Variants in HYAL4 observed in about 807,000 individuals in gnomAD.
HYAL4 encodes the protein hyaluronidase-4.
In HYAL4, 37 loss-of-function variants were observed where a neutral mutation model predicts 35.2. That is an observed-to-expected ratio of 1.05 (90% CI 0.81 to 1.38). The LOEUF (loss-of-function observed/expected upper bound fraction) is 1.38, where lower values mean the gene tolerates loss of function less well. HYAL4 is among the 40% of genes most tolerant of loss of function. HYAL4 has a pLI of 0.00. For synonymous variants in HYAL4, 198 were observed against 203.2 expected, an observed-to-expected ratio of 0.97 and a Z score of 0.22; for missense variants, 572 against 572.4, an observed-to-expected ratio of 1.00 and a Z score of 0.01.
chr7:123,865,478 A>G (rs1806666122), intron 2 of HYAL4, among the ~76,000 whole-genome samples: 1 of 152,200 alleles, frequency 6.6e-6, no homozygotes, highest in African/African-American at 2.4e-5. Context: ...GAGCTACAGT[A>G]TGATATATTT....
intron 1 of HYAL4, among the ~76,000 whole-genome samples, chr7:123,845,915 T>C (rs982411312): frequency 3.3e-5 from 5 of 152,170 alleles, no homozygotes; most frequent in African/African-American, 1.2e-4. Context: ...GTGATTGTTA[T>C]CTCTCTTCTG....
chr7:123,840,863 C>T (rs1395349155), upstream of HYAL4, among the ~76,000 whole-genome samples: 1 of 151,984 alleles, frequency 6.6e-6, no homozygotes, highest in African/African-American at 2.4e-5. Flanking sequence ...GCTGAAGTTG[C>T]TTATCAGCTT....
chr7:123,860,373 T>C (rs1182725527), intron 2 of HYAL4, among the ~76,000 whole-genome samples: 1 of 152,204 alleles, frequency 6.6e-6, no homozygotes, highest in African/African-American at 2.4e-5. Flanking sequence ...TGTGTACATA[T>C]GTAATTTGTG....
At chr7:123,864,369 C>G (rs1362240740) in intron 2 of HYAL4, among the ~76,000 whole-genome samples, 1 of 152,124 alleles carries the variant, frequency 6.6e-6, no homozygotes, top group East Asian at 1.9e-4. Flanking sequence ...GAAACCTGGG[C>G]ATTAAAATTT....
chr7:123,786,606 A>C, the HYAL4 span, among the ~76,000 whole-genome samples: 1 of 152,182 alleles, frequency 6.6e-6, no homozygotes, highest in Non-Finnish European at 1.5e-5. Flanking sequence ...ACATTAAAGT[A>C]ATCAAACAAG....
rs765368892 is a variant in HYAL4, at chr7:123,869,076, T to C, written c.803T>C (p.Leu268Pro). The C allele has an allele frequency of 3.1e-6, 5 of 1,614,114 alleles. No homozygotes were observed. The highest frequency in any genetic ancestry group is 2.2e-5 in the East Asian group (1 of 44,898). ...LYPSIGVWKSLGDSENILRFS... is the reference protein window; with the variant it reads ...LYPSIGVWKSPGDSENILRFS... ...CCTTCTATCGGTGTCTGGAAATCCC[T>C]TGGAGACAGTGAAAACATTTTGCGC... Residue 268 changes from leucine (L) to proline (P), a missense_variant, in exon 3 of 5, where the codon CTT (leucine) becomes CCT (proline). Coordinates refer to ENST00000223026, the MANE Select transcript of HYAL4 (RefSeq NM_012269.3).
chr7:123,817,195 T>A, the HYAL4 span, among the ~76,000 whole-genome samples: 1 of 152,172 alleles, frequency 6.6e-6, no homozygotes, highest in Non-Finnish European at 1.5e-5. Flanking sequence ...CCCTATTTCC[T>A]ACTTCTTTGC....
At chr7:123,867,597 A>G (rs992258188) in intron 2 of HYAL4, among the ~76,000 whole-genome samples, 2 of 152,098 alleles carry the variant, frequency 1.3e-5, no homozygotes, top group Admixed American at 1.3e-4. Flanking sequence ...ATTCTTTGGG[A>G]TAGTTGGGCT....
chr7:123,868,316 C>A lies in HYAL4; in HGVS notation c.43C>A (p.Gln15Lys). 6.3e-7 allele frequency: 1 copy of A among 1,580,040 alleles called. No individual in the cohort carries two copies. The highest frequency in any genetic ancestry group is 8.5e-7 in the Non-Finnish European group (1 of 1,170,194). ...SEGQLKLCVV[Q>K]PVHLTSWLLI... ...AGGACAGTTAAAGCTTTGTGTTGTTCAACCAGTACATCTCACTTCATGGCT... is the reference window on the plus strand; with the variant it reads ...AGGACAGTTAAAGCTTTGTGTTGTTAAACCAGTACATCTCACTTCATGGCT... Residue 15 changes from glutamine (Q) to lysine (K), a missense_variant, in exon 3 of 5, where the codon CAA (glutamine) becomes AAA (lysine). Coordinates refer to ENST00000223026, the MANE Select transcript of HYAL4 (RefSeq NM_012269.3).
chr7:123,807,456 A>G, the HYAL4 span, among the ~76,000 whole-genome samples: 1 of 99,912 alleles, frequency 1.0e-5, no homozygotes, highest in African/African-American at 3.8e-5. Context: ...TTTTTTTGAG[A>G]CAGAGTCTCG....
the HYAL4 span, among the ~76,000 whole-genome samples, chr7:123,808,851 T>C: frequency 6.6e-6 from 1 of 152,138 alleles, no homozygotes; most frequent in Non-Finnish European, 1.5e-5. Flanking sequence ...TTTCCTCACA[T>C]GGTGGAAGGG....
rs762628428 is a variant in HYAL4, at chr7:123,876,812, A to G, written c.1103A>G (p.Asn368Ser). 2.2e-5 allele frequency: 36 copies of G among 1,614,066 alleles called. No individual in the cohort carries two copies. The highest frequency in any genetic ancestry group is 8.0e-5 in the African/African-American group (6 of 74,930). The change falls in exon 5 of 5, where the codon AAT (asparagine) becomes AGT (serine). Residue 368 changes from asparagine to serine, a missense_variant. Asn to Ser is a conservative substitution (Grantham distance 46). Transcript: ENST00000223026. Reference sequence around the variant, plus strand: ...TCTGATTTAGGGAGCTACATAGCCAATGTGACCAGAGCTGCTGAGGTATGC... The same window carrying G: ...TCTGATTTAGGGAGCTACATAGCCAGTGTGACCAGAGCTGCTGAGGTATGC... ...VSSDLGSYIA[N>S]VTRAAEVCSL...
At chr7:123,875,618 C>T (rs7787301) in intron 4 of HYAL4, among the ~76,000 whole-genome samples, 139 of 147,162 alleles carry the variant, frequency 9.4e-4, no homozygotes, top group African/African-American at 3.4e-3. Flanking sequence ...GATGACACCA[C>T]TGCACTCGAG....
chr7:123,809,230 T>C, the HYAL4 span, among the ~76,000 whole-genome samples: 14 of 152,234 alleles, frequency 9.2e-5, no homozygotes, highest in Non-Finnish European at 1.5e-5. Flanking sequence ...ATTATGTTCT[T>C]TGTAACTTAA....
At chr7:123,784,504 T>G in the HYAL4 span, among the ~76,000 whole-genome samples, 210 of 152,310 alleles carry the variant, frequency 1.4e-3, 2 homozygotes, top group African/African-American at 4.8e-3. Context: ...TTTGGAATAT[T>G]CTTACTGTTG....
chr7:123,877,063 G>T lies in HYAL4; in HGVS notation c.1354G>T (p.Ala452Ser). Reference protein sequence around the residue: ...EGADCREIKTADGCSGVSPSP... With the variant: ...EGADCREIKTSDGCSGVSPSP... Reference sequence around the variant, plus strand: ...AGCTGATTGCAGAGAAATAAAGACGGCTGATGGCTGCTCTGGGGTTTCCCC... The same window carrying T: ...AGCTGATTGCAGAGAAATAAAGACGTCTGATGGCTGCTCTGGGGTTTCCCC... Residue 452 changes from alanine to serine, a missense_variant, in exon 5 of 5, where the codon GCT (alanine) becomes TCT (serine). Physicochemically the swap from Ala to Ser is moderately conservative, Grantham distance 99 (BLOSUM62 1). Transcript: ENST00000223026. 6.2e-7 allele frequency: 1 copy of T among 1,614,178 alleles called. No individual in the cohort carries two copies. The highest frequency in any genetic ancestry group is 1.1e-5 in the South Asian group (1 of 91,074).
chr7:123,862,635 T>G (rs1038103260), intron 2 of HYAL4, among the ~76,000 whole-genome samples: 1 of 152,226 alleles, frequency 6.6e-6, no homozygotes, highest in Non-Finnish European at 1.5e-5. Flanking sequence ...TTTATTGATT[T>G]ATAATATCCT....
At chr7:123,857,916 A>T (rs1242417133) in intron 2 of HYAL4, among the ~76,000 whole-genome samples, 3 of 152,066 alleles carry the variant, frequency 2.0e-5, no homozygotes, top group African/African-American at 7.2e-5. Flanking sequence ...GTCTATGTAG[A>T]TCAAGTGTGG....
the HYAL4 span, among the ~76,000 whole-genome samples, chr7:123,817,187 C>T: frequency 6.6e-5 from 10 of 152,222 alleles, no homozygotes; most frequent in African/African-American, 2.4e-4. Flanking sequence ...CCATCTCTCC[C>T]TATTTCCTAC....
Sources: allele counts gnomAD v4.1 joint callset (sites outside exome capture counted in the v4.1 genomes callset), GRCh38; gene constraint gnomAD v4.1.1; transcripts MANE v1.5; gene names NCBI Gene and HGNC (gene_info 2026-07-23, HGNC 2026-07-21).